The following GRM3 variants were observed in gnomAD, a reference collection of about 807,000 sequenced individuals.
GRM3 encodes glutamate metabotropic receptor 3, also known as metabotropic glutamate receptor 3.
Under a neutral mutation model 70.5 loss-of-function variants are expected in GRM3, and 26 were observed. That is an observed-to-expected ratio of 0.37 (90% CI 0.27 to 0.51). The LOEUF (loss-of-function observed/expected upper bound fraction) is 0.51, where lower values mean the gene tolerates loss of function less well. GRM3 is among the 20% of genes least tolerant of loss of function. The pLI, the probability that GRM3 is intolerant of heterozygous loss-of-function variation, is 0.93. For missense variants in GRM3, 859 were observed against 1,123.8 expected, an observed-to-expected ratio of 0.76 and a Z score of 3.37; for synonymous variants, 443 against 434.9, an observed-to-expected ratio of 1.02 and a Z score of -0.23.
At chr7:86,676,318 A>G (rs1293247061) in intron 1 of GRM3, among the ~76,000 whole-genome samples, 2 of 151,992 alleles carry the variant, frequency 1.3e-5, no homozygotes, top group Non-Finnish European at 2.9e-5. Context: ...AAATCAGAGG[A>G]AGACAAAAAA....
intron 3 of GRM3, among the ~76,000 whole-genome samples, chr7:86,811,775 C>T (rs1262858322): frequency 2.6e-5 from 4 of 151,636 alleles, no homozygotes; most frequent in Non-Finnish European, 3.0e-5. Context: ...AAAGTGGAGT[C>T]GCTTTGATTG....
intron 5 of GRM3, among the ~76,000 whole-genome samples, chr7:86,857,918 TTTTTATTTTATTTTA>T (rs375923210): frequency 0.082 from 11,685 of 142,630 alleles, 744 homozygotes; most frequent in African/African-American, 0.18. Flanking sequence ...AGAGAGTAAA[TTTTTATTTTATTTTA>T]TTTTATTTTA....
chr7:86,724,417 C>A (rs911416744), intron 1 of GRM3, among the ~76,000 whole-genome samples: 1 of 152,142 alleles, frequency 6.6e-6, no homozygotes, highest in Admixed American at 6.6e-5. Context: ...TATTGTCTAA[C>A]TTTACAGCTT....
At chr7:86,734,049 G>A (rs1434543811) in intron 1 of GRM3, among the ~76,000 whole-genome samples, 1 of 152,146 alleles carries the variant, frequency 6.6e-6, no homozygotes, top group Non-Finnish European at 1.5e-5. Context: ...GGAGTATCCA[G>A]TTTTACTGAG....
chr7:86,814,072 T>C (rs1797966784), intron 3 of GRM3, among the ~76,000 whole-genome samples: 1 of 151,700 alleles, frequency 6.6e-6, no homozygotes, highest in South Asian at 2.1e-4. Context: ...ATAAGCACGA[T>C]CAGAAGATGT....
chr7:86,699,576 G>A, intron 1 of GRM3, among the ~76,000 whole-genome samples: 1 of 151,982 alleles, frequency 6.6e-6, no homozygotes, highest in Admixed American at 6.6e-5. Context: ...GGGAACTTGT[G>A]TTTTCTTCTT....
chr7:86,843,496 T>G (rs1798597453), intron 4 of GRM3, among the ~76,000 whole-genome samples: 2 of 152,138 alleles, frequency 1.3e-5, no homozygotes, highest in Non-Finnish European at 2.9e-5. Context: ...ACTATCCGAG[T>G]CATCTCCTGC....
At chr7:86,685,318 A>G (rs1229148245) in intron 1 of GRM3, among the ~76,000 whole-genome samples, 2 of 152,186 alleles carry the variant, frequency 1.3e-5, no homozygotes, top group Non-Finnish European at 2.9e-5. Context: ...CTGCTGTATC[A>G]TATTACCAGT....
At chr7:86,833,405 TAATA>T (rs560658177) in intron 3 of GRM3, among the ~76,000 whole-genome samples, 13 of 147,808 alleles carry the variant, frequency 8.8e-5, no homozygotes, top group Middle Eastern at 3.5e-3. Flanking sequence ...ATAATAATAA[TAATA>T]ATAATAAAGA....
At chr7:86,809,390 A>C (rs1319958431) in intron 3 of GRM3, among the ~76,000 whole-genome samples, 1 of 152,046 alleles carries the variant, frequency 6.6e-6, no homozygotes, top group African/African-American at 2.4e-5. Context: ...ACAGAGGGAT[A>C]TTTGCTGAGC....
In GRM3 at chr7:86,661,182, A is replaced by G. The variant is rs538780493; in HGVS notation, c.-141+16310A>G. On this transcript the variant is annotated intron_variant, in intron 1 of 5. Coordinates refer to ENST00000361669, the MANE Select transcript of GRM3 (RefSeq NM_000840.3). ...CAGAGGCCTAAGAATCACCCCGAAC[A>G]AAGTACTCTTTCTATTCTCTTAGTA... is the stretch of plus-strand genomic sequence containing the variant. 7.2e-5 allele frequency among the ~76,000 whole-genome samples: 11 copies of G among 152,098 alleles called. No individual in the cohort carries two copies. In the East Asian group the frequency reaches 2.1e-3, roughly 29 times the overall value.
rs574706020 is a variant in GRM3, at chr7:86,827,517, CT to C, written c.1325-11309del. Among the ~76,000 whole-genome samples the C allele has an allele frequency of 3.0e-3, 438 of 145,242 alleles. 1 individual carries two copies. The highest frequency in any genetic ancestry group is 0.01 in the Middle Eastern group (3 of 288). On this transcript the variant is annotated intron_variant, in intron 3 of 5. Coordinates refer to ENST00000361669, the MANE Select transcript of GRM3 (RefSeq NM_000840.3). ...AAATATAAAAAACTCATATAAATCA[CT>C]TTTTTTTTTTTTGAGACAGAGTTTT...
chr7:86,852,930 T>C (rs558339871), intron 5 of GRM3, among the ~76,000 whole-genome samples: 65 of 152,276 alleles, frequency 4.3e-4, no homozygotes, highest in Non-Finnish European at 7.6e-4. Flanking sequence ...CCTGATTTCC[T>C]GACTTTCAAT....
chr7:86,684,419 G>C (rs1217660709), intron 1 of GRM3, among the ~76,000 whole-genome samples: 1 of 152,204 alleles, frequency 6.6e-6, no homozygotes, highest in Non-Finnish European at 1.5e-5. Context: ...AATGCACAAT[G>C]TAGTAAATAA....
At chr7:86,687,340 CA>C (rs963886417) in intron 1 of GRM3, among the ~76,000 whole-genome samples, 3 of 151,852 alleles carry the variant, frequency 2.0e-5, no homozygotes, top group African/African-American at 7.3e-5. Context: ...AAAAACAAAG[CA>C]AAGAGCATTT....
chr7:86,823,605 T>TTGGG (rs1798170159), intron 3 of GRM3, among the ~76,000 whole-genome samples: 2 of 88,240 alleles, frequency 2.3e-5, no homozygotes, highest in African/African-American at 9.9e-5. Context: ...TTTTTTTTTT[T>TTGGG]GGCGGGGGGG....
intron 1 of GRM3, among the ~76,000 whole-genome samples, chr7:86,681,288 A>G (rs531092829): frequency 1.3e-5 from 2 of 152,260 alleles, no homozygotes; most frequent in South Asian, 4.2e-4. Context: ...TGGAACCCAC[A>G]ATTCAGTGTC....
In GRM3 at chr7:86,839,687, A is replaced by G. The variant is rs1368367756; in HGVS notation, c.2173A>G (p.Thr725Ala). ...RRYTLAEKRE[T>A]VILKCNVKDS... ...GTATACCCTTGCAGAGAAGCGGGAA[A>G]CAGTCATCCTAAAATGCAATGTCAA... The change falls in exon 4 of 6, where the codon ACA becomes GCA. Residue 725 changes from threonine to alanine, a missense_variant. Physicochemically the swap from Thr to Ala is moderately conservative, Grantham distance 58. Coordinates refer to ENST00000361669, the MANE Select transcript of GRM3 (RefSeq NM_000840.3). This position sits in a 1 kb window ranked among gnomAD's most constrained non-coding sequence, Gnocchi z 4.5. 2 of 1,614,054 alleles carry G rather than the reference A, an allele frequency of 1.2e-6. No homozygotes were observed. Among genetic ancestry groups the G allele is most frequent in the Admixed American group, 1.7e-5 (1 of 60,018 alleles).
intron 3 of GRM3, among the ~76,000 whole-genome samples, chr7:86,821,606 C>G (rs1798121125): frequency 6.6e-6 from 1 of 152,184 alleles, no homozygotes; most frequent in East Asian, 1.9e-4. Context: ...GGCAGTCAGA[C>G]TCCAGGGGAA....
Sources: allele counts gnomAD v4.1 joint callset (sites outside exome capture counted in the v4.1 genomes callset), GRCh38; gene constraint gnomAD v4.1.1; non-coding constraint Gnocchi (gnomAD v3.1); transcripts MANE v1.5; gene names NCBI Gene and HGNC (gene_info 2026-07-23, HGNC 2026-07-21).